Variants in SLC25A13 observed in about 807,000 individuals in gnomAD.
The protein encoded by SLC25A13 is electrogenic aspartate/glutamate antiporter SLC25A13, mitochondrial.
Under a neutral mutation model 85.5 loss-of-function variants are expected in SLC25A13, and 70 were observed. That is an observed-to-expected ratio of 0.82 (90% CI 0.68 to 1.00). SLC25A13 has a LOEUF of 1.00. Ranked by LOEUF, SLC25A13 falls within the 50% of genes least tolerant of loss-of-function variation. The pLI is 0.00. For synonymous variants in SLC25A13, 259 were observed against 288.7 expected, an observed-to-expected ratio of 0.90 and a Z score of 1.04; for missense variants, 765 against 819.8, an observed-to-expected ratio of 0.93 and a Z score of 0.82.
chr7:96,259,426 A>T (rs1405400941), intron 3 of SLC25A13, among the ~76,000 whole-genome samples: 2 of 152,214 alleles, frequency 1.3e-5, no homozygotes, highest in Non-Finnish European at 2.9e-5. Flanking sequence ...TGAAAAAAAG[A>T]CATTTATCAT....
chr7:96,128,794 AAT>A (rs1791851964), intron 15 of SLC25A13, among the ~76,000 whole-genome samples: 1 of 145,172 alleles, frequency 6.9e-6, no homozygotes, highest in Non-Finnish European at 1.5e-5. Flanking sequence ...TAATAATAAT[AAT>A]AAAAGTCAAT....
intron 4 of SLC25A13, among the ~76,000 whole-genome samples, chr7:96,219,426 G>A (rs1429010069): frequency 1.3e-5 from 2 of 152,146 alleles, no homozygotes; most frequent in African/African-American, 2.4e-5. Context: ...CTTAGGGATG[G>A]AACTAGCCTG....
Position 96,120,576 on chromosome 7 carries a change from C to T in SLC25A13, c.*615G>A. ...ACTTCCCTAAAGTACAAAGGCATTT[C>T]CCTAGTAGTCTTGGTACCAGTAACA... On this transcript the variant is annotated 3_prime_UTR_variant, in exon 18 of 18. Transcript: ENST00000265631. 1 of 454,496 alleles carries T rather than the reference C, an allele frequency of 2.2e-6. No homozygotes were observed. The highest frequency in any genetic ancestry group is 4.4e-6 in the Non-Finnish European group (1 of 226,780). 28.2% of individuals were successfully genotyped at this position (454,496 alleles called of 1,614,324 possible).
At chr7:96,134,793 T>TTATTTATATATATATATATATATATA (rs1792193754) in intron 14 of SLC25A13, among the ~76,000 whole-genome samples, 10 of 102,242 alleles carry the variant, frequency 9.8e-5, no homozygotes. Context: ...ACAAACAATT[T>TTATTTATATATATATATATATATATA]TATATATATA....
intron 1 of SLC25A13, among the ~76,000 whole-genome samples, chr7:96,300,122 A>C (rs1332950035): frequency 6.6e-6 from 1 of 152,206 alleles, no homozygotes; most frequent in Non-Finnish European, 1.5e-5. Flanking sequence ...GATTAAGGAC[A>C]TGATCTTACA....
At chr7:96,284,749 T>A (rs1264686509) in intron 2 of SLC25A13, among the ~76,000 whole-genome samples, 1 of 152,218 alleles carries the variant, frequency 6.6e-6, no homozygotes, top group Non-Finnish European at 1.5e-5. Flanking sequence ...CAAGCTCTCT[T>A]GCCTGTCACA....
chr7:96,132,526 T>C (rs1050693538), intron 14 of SLC25A13, among the ~76,000 whole-genome samples: 18 of 152,196 alleles, frequency 1.2e-4, no homozygotes, highest in African/African-American at 3.9e-4. Context: ...AAGCTGTGTG[T>C]AGAACAATCA....
chr7:96,273,833 T>G (rs1005114974), intron 3 of SLC25A13, among the ~76,000 whole-genome samples: 2 of 152,208 alleles, frequency 1.3e-5, no homozygotes, highest in African/African-American at 4.8e-5. Flanking sequence ...TGGTCACACT[T>G]CCTCTGAAAC....
intron 5 of SLC25A13, among the ~76,000 whole-genome samples, chr7:96,200,650 C>G: frequency 6.6e-6 from 1 of 152,022 alleles, no homozygotes; most frequent in Non-Finnish European, 1.5e-5. Context: ...GAAGCAGTGT[C>G]ACATGTGGCT....
At chr7:96,237,630 A>C (rs1796794565) in intron 3 of SLC25A13, among the ~76,000 whole-genome samples, 1 of 152,202 alleles carries the variant, frequency 6.6e-6, no homozygotes, top group African/African-American at 2.4e-5. Context: ...TGTGGGAGAC[A>C]GCCTGGCAGC....
intron 4 of SLC25A13, among the ~76,000 whole-genome samples, chr7:96,233,996 C>T (rs182693759): frequency 1.3e-5 from 2 of 152,286 alleles, no homozygotes; most frequent in Admixed American, 1.3e-4. Flanking sequence ...ATCCACATGC[C>T]TAAAGGGCTC....
intron 14 of SLC25A13, among the ~76,000 whole-genome samples, chr7:96,143,138 A>G (rs1792636445): frequency 1.3e-5 from 2 of 152,174 alleles, no homozygotes; most frequent in Non-Finnish European, 2.9e-5. Context: ...TTTGTACTCA[A>G]AAAGAGACAT....
intron 1 of SLC25A13, among the ~76,000 whole-genome samples, chr7:96,304,575 T>C (rs1799670424): frequency 6.6e-6 from 1 of 152,192 alleles, no homozygotes; most frequent in African/African-American, 2.4e-5. Context: ...ATTATTGTTA[T>C]TAAGCTGACC....
chr7:96,294,011 C>T (rs1277768054), intron 2 of SLC25A13, among the ~76,000 whole-genome samples: 1 of 152,110 alleles, frequency 6.6e-6, no homozygotes, highest in Non-Finnish European at 1.5e-5. Context: ...TTCACAATAG[C>T]AAAGACTTGG....
At chr7:96,210,542 G>A (rs1326812427) in intron 4 of SLC25A13, among the ~76,000 whole-genome samples, 1 of 152,094 alleles carries the variant, frequency 6.6e-6, no homozygotes, top group Non-Finnish European at 1.5e-5. Context: ...CTCACCATGT[G>A]CCAAGTATTG....
chr7:96,149,511 A>C (rs1220522120), intron 13 of SLC25A13, among the ~76,000 whole-genome samples: 1 of 152,252 alleles, frequency 6.6e-6, no homozygotes, highest in African/African-American at 2.4e-5. Flanking sequence ...TGAGGAGTCA[A>C]ATCCACTTCA....
Position 96,147,936 on chromosome 7 carries a change from T to A in SLC25A13, c.1312-1240A>T, listed in dbSNP as rs547249814. On this transcript the variant is annotated intron_variant, in intron 13 of 17. Transcript: ENST00000265631. ...TACAAGTATCTTTCTTTTCCTTTTT[T>A]TTTTTTGATGTATTTGAAATTTTTT... is the stretch of plus-strand genomic sequence containing the variant. Among the ~76,000 whole-genome samples the A allele has an allele frequency of 3.4e-3, 522 of 152,260 alleles. 1 individual carries two copies. The highest frequency in any genetic ancestry group is 5.3e-3 in the Non-Finnish European group (358 of 68,012).
At chr7:96,190,852 A>T (rs1190742405) in intron 7 of SLC25A13, among the ~76,000 whole-genome samples, 2 of 152,096 alleles carry the variant, frequency 1.3e-5, no homozygotes, top group Non-Finnish European at 2.9e-5. Flanking sequence ...ATCTCAGGTG[A>T]TCCACCCACC....
chr7:96,205,872 G>C (rs912542643), intron 5 of SLC25A13, among the ~76,000 whole-genome samples: 6 of 151,700 alleles, frequency 4.0e-5, no homozygotes, highest in African/African-American at 1.5e-4. Context: ...ACCCAAGTAA[G>C]ATCCTCACAG....
Sources: gnomAD v4.1 joint callset for allele counts (sites outside exome capture counted in the v4.1 genomes callset) on GRCh38, gnomAD v4.1.1 for gene constraint, MANE v1.5 for transcripts, NCBI Gene and HGNC (gene_info 2026-07-23, HGNC 2026-07-21) for gene names.